Variants in ILDR1 observed in about 807,000 individuals in gnomAD.
The protein encoded by ILDR1 is immunoglobulin like domain containing receptor 1.
In ILDR1, 56 loss-of-function variants were observed where a neutral mutation model predicts 62.4. The ratio of observed to expected loss-of-function variants is 0.90; its 90% CI spans 0.72 to 1.12. ILDR1 has a LOEUF of 1.12. Among genes scored for constraint, ILDR1 ranks in the 50% most tolerant of loss-of-function variants. ILDR1 has a pLI of 0.00. For missense variants in ILDR1, 736 were observed against 710.6 expected, an observed-to-expected ratio of 1.04 and a Z score of -0.41; for synonymous variants, 284 against 277.8, an observed-to-expected ratio of 1.02 and a Z score of -0.22.
chr3:122,027,410 G>A, the ILDR1 span, among the ~76,000 whole-genome samples: 1 of 152,138 alleles, frequency 6.6e-6, no homozygotes, highest in Non-Finnish European at 1.5e-5. Context: ...GGCTTGTCTT[G>A]AACTCCTGAC....
rs139137023 is a variant in ILDR1, at chr3:121,993,939, C to A, written c.810G>T (p.Met270Ile). The A allele has an allele frequency of 4.3e-6, 7 of 1,612,588 alleles. No individual in the cohort carries two copies. In the African/African-American group the frequency reaches 8.0e-5, roughly 18 times the overall value. ...DLSLPSSLPQMPMTQTTNQPP... is the reference protein window; with the variant it reads ...DLSLPSSLPQIPMTQTTNQPP... ...GCTGATTGGTGGTCTGGGTCATTGG[C>A]ATCTGCGGGAGGCTGGACGGCAGGG... The change falls in exon 7 of 8, where the codon ATG becomes ATT. Residue 270 changes from methionine (M) to isoleucine (I), a missense_variant. Met to Ile is a conservative substitution (Grantham distance 10, BLOSUM62 1). Coordinates refer to ENST00000344209, the MANE Select transcript of ILDR1 (RefSeq NM_001199799.2).
chr3:122,039,666 G>C, the ILDR1 span, among the ~76,000 whole-genome samples: 6 of 152,004 alleles, frequency 3.9e-5, no homozygotes, highest in Non-Finnish European at 7.4e-5. Flanking sequence ...GAAGAAATAT[G>C]ATGTATAATA....
At chr3:122,040,861 T>C in the ILDR1 span, among the ~76,000 whole-genome samples, 1 of 152,054 alleles carries the variant, frequency 6.6e-6, no homozygotes, top group African/African-American at 2.4e-5. Context: ...CATGACTGTG[T>C]GGGTACAACA....
the ILDR1 span, among the ~76,000 whole-genome samples, chr3:122,046,208 G>T: frequency 0.77 from 114,402 of 148,692 alleles, 44,406 homozygotes; most frequent in East Asian, 0.95. Flanking sequence ...GAAATTCTGG[G>T]TTGAAAATTC....
chr3:122,025,297 A>T (rs1409122845), upstream of ILDR1: 1 of 152,220 alleles, frequency 6.6e-6, no homozygotes, highest in Non-Finnish European at 1.5e-5. Flanking sequence ...ACTACGCTCA[A>T]ACTAGCTTCC....
intron 1 of ILDR1, among the ~76,000 whole-genome samples, chr3:122,011,677 T>TCACACACACACACACACCCACACACACA (rs2071705936): frequency 7.5e-6 from 1 of 133,138 alleles, no homozygotes; most frequent in Admixed American, 7.6e-5. Flanking sequence ...TCTCTCTCTT[T>TCACACACACACACACACCCACACACACA]CACACACACA....
chr3:122,055,511 A>G, the ILDR1 span: 37 of 1,613,810 alleles, frequency 2.3e-5, 1 homozygote, highest in African/African-American at 1.9e-4. Flanking sequence ...GTGGTGAGTA[A>G]TAATTCTTAT....
At chr3:122,010,106 C>G (rs2071681922) in intron 1 of ILDR1, among the ~76,000 whole-genome samples, 1 of 140,540 alleles carries the variant, frequency 7.1e-6, no homozygotes, top group African/African-American at 2.5e-5. Context: ...GGCAGAGAAA[C>G]TCATTGTTTC....
At chr3:122,011,100 A>G (rs1411406243) in intron 1 of ILDR1, among the ~76,000 whole-genome samples, 3 of 152,238 alleles carry the variant, frequency 2.0e-5, no homozygotes, top group Admixed American at 6.5e-5. Flanking sequence ...CTATGTGAGC[A>G]ATAATTAAAA....
the ILDR1 span, among the ~76,000 whole-genome samples, chr3:122,041,891 A>G: frequency 7.4e-5 from 11 of 149,618 alleles, no homozygotes; most frequent in African/African-American, 2.7e-4. Context: ...TCCAATTTGA[A>G]TGCCCTTTAT....
chr3:121,994,271 C>T lies in ILDR1; in HGVS notation c.689G>A (p.Gly230Asp). The T allele has an allele frequency of 6.5e-7, 1 of 1,536,038 alleles. No individual in the cohort carries two copies. The highest frequency in any genetic ancestry group is 8.7e-7 in the Non-Finnish European group (1 of 1,146,866). The change falls in exon 6 of 8, where the codon GGT (glycine) becomes GAT (aspartate). Residue 230 changes from glycine (G) to aspartate (D), a missense_variant. Physicochemically the swap from Gly to Asp is moderately conservative, Grantham distance 94. Coordinates refer to ENST00000344209, the MANE Select transcript of ILDR1 (RefSeq NM_001199799.2). ...CAGGGGTTTTCCCATCATCTGAGGA[C>T]CTAGGGCCTGGGCCTGCTTCATGTA... ...HRYMKQAQAL[G>D]PQMMGKPLYW...
chr3:122,041,674 A>C, the ILDR1 span, among the ~76,000 whole-genome samples: 1 of 152,200 alleles, frequency 6.6e-6, no homozygotes, highest in Admixed American at 6.5e-5. Context: ...TGCTATTATA[A>C]ATTGAATTGT....
the ILDR1 span, among the ~76,000 whole-genome samples, chr3:122,047,844 T>C: frequency 6.6e-6 from 1 of 152,172 alleles, no homozygotes; most frequent in Admixed American, 6.5e-5. Context: ...ACCCGGTACC[T>C]CGGATGGAAA....
At chr3:121,994,021 C>T (rs772241851) in intron 6 of ILDR1, 51 bp from the exon 7 acceptor site, 5 of 1,566,210 alleles carry the variant, frequency 3.2e-6, no homozygotes, top group East Asian at 4.5e-5. Flanking sequence ...AAAACATACA[C>T]CTCAGAATCA....
the ILDR1 span, among the ~76,000 whole-genome samples, chr3:122,035,882 A>G: frequency 6.6e-6 from 1 of 152,232 alleles, no homozygotes; most frequent in Non-Finnish European, 1.5e-5. Flanking sequence ...TGTGTAAGTG[A>G]CTTTGGAACT....
intron 1 of ILDR1, among the ~76,000 whole-genome samples, chr3:122,018,398 G>C (rs1168409940): frequency 7.0e-5 from 10 of 143,822 alleles, no homozygotes; most frequent in Non-Finnish European, 1.2e-4. Context: ...TTGGGGTGGG[G>C]GGGGGGTAGG....
rs1323623186 is a variant in ILDR1, at chr3:121,993,470, A to T, written c.1279T>A (p.Ser427Thr). 6 of 1,614,008 alleles carry T rather than the reference A, an allele frequency of 3.7e-6. No homozygotes were observed. The Admixed American group carries it at 8.3e-5, about 22-fold the overall frequency. ...CTCGGCCGCCAGCGTGCCTCACTGG[A>T]TGAGGGGACATCGCTTAGGCTGTCC... ...DRDSLSDVPS[S>T]SEARWRPSHP... Residue 427 changes from serine (S) to threonine (T), a missense_variant, in exon 7 of 8, where the codon TCC (serine) becomes ACC (threonine). Coordinates refer to ENST00000344209, the MANE Select transcript of ILDR1 (RefSeq NM_001199799.2).
At chr3:122,010,594 C>A (rs2071689425) in intron 1 of ILDR1, among the ~76,000 whole-genome samples, 1 of 152,086 alleles carries the variant, frequency 6.6e-6, no homozygotes, top group African/African-American at 2.4e-5. Flanking sequence ...TCTGTGACTA[C>A]CCCTTTGTGT....
the ILDR1 span, among the ~76,000 whole-genome samples, chr3:122,045,111 T>C: frequency 6.6e-6 from 1 of 152,004 alleles, no homozygotes; most frequent in Non-Finnish European, 1.5e-5. Flanking sequence ...GATTCTGGTA[T>C]GTTGTGTCTT....
Sources: allele counts gnomAD v4.1 joint callset (sites outside exome capture counted in the v4.1 genomes callset), GRCh38; gene constraint gnomAD v4.1.1; transcripts MANE v1.5; gene names NCBI Gene and HGNC (gene_info 2026-07-23, HGNC 2026-07-21).